SMYD3: variants seen among roughly 807,000 people sequenced by gnomAD.
SMYD3 encodes the protein histone-lysine N-methyltransferase SMYD3.
A neutral mutation model predicts 57.7 loss-of-function variants in SMYD3; 36 were observed. The ratio of observed to expected loss-of-function variants is 0.62; its 90% CI spans 0.48 to 0.82. The LOEUF is 0.82. Ranked by LOEUF, SMYD3 falls within the 40% of genes least tolerant of loss-of-function variation. The pLI, the probability that SMYD3 is intolerant of heterozygous loss-of-function variation, is 0.00. For synonymous variants in SMYD3, 211 were observed against 195.0 expected, an observed-to-expected ratio of 1.08 and a Z score of -0.68; for missense variants, 515 against 538.8, an observed-to-expected ratio of 0.96 and a Z score of 0.44.
intron 3 of SMYD3, among the ~76,000 whole-genome samples, chr1:246,332,392 G>A (rs1195974359): frequency 6.6e-6 from 1 of 152,244 alleles, no homozygotes; most frequent in Non-Finnish European, 1.5e-5. Context: ...CCAGAGGAAA[G>A]CCCTAACTTG....
chr1:246,303,429 T>C (rs1572357041), intron 5 of SMYD3, among the ~76,000 whole-genome samples: 1 of 152,216 alleles, frequency 6.6e-6, no homozygotes. Flanking sequence ...TTAGATTACA[T>C]GGCATACTAT....
intron 8 of SMYD3, among the ~76,000 whole-genome samples, chr1:245,881,496 A>C (rs2052776341): frequency 6.6e-6 from 1 of 152,110 alleles, no homozygotes; most frequent in Admixed American, 6.5e-5. Flanking sequence ...CAGGTAATAG[A>C]GATTTTTGGC....
chr1:246,255,989 C>G (rs868498292), intron 5 of SMYD3, among the ~76,000 whole-genome samples: 64 of 125,826 alleles, frequency 5.1e-4, no homozygotes, highest in African/African-American at 1.1e-3. Flanking sequence ...TAGATAGATA[C>G]ACACACACAT....
intron 5 of SMYD3, among the ~76,000 whole-genome samples, chr1:246,260,226 T>C (rs915224001): frequency 6.6e-6 from 1 of 151,936 alleles, no homozygotes; most frequent in Admixed American, 6.5e-5. Context: ...ACAGGAAGAG[T>C]TGCGTGGCTC....
chr1:245,856,872 G>A (rs1472947216), intron 10 of SMYD3, among the ~76,000 whole-genome samples: 1 of 152,168 alleles, frequency 6.6e-6, no homozygotes, highest in African/African-American at 2.4e-5. Context: ...CTTTTGGATG[G>A]AGTTTATCCA....
At chr1:245,865,208 GT>G (rs2051766904) in intron 8 of SMYD3, among the ~76,000 whole-genome samples, 1 of 152,154 alleles carries the variant, frequency 6.6e-6, no homozygotes, top group Non-Finnish European at 1.5e-5. Context: ...ATGTATGTAA[GT>G]ATCTTCACAT....
chr1:246,244,173 T>G (rs1399651531), intron 5 of SMYD3, among the ~76,000 whole-genome samples: 1 of 152,050 alleles, frequency 6.6e-6, no homozygotes, highest in African/African-American at 2.4e-5. Flanking sequence ...ATAAAAGAGG[T>G]TAGCTATAGT....
At chr1:246,061,813 G>C (rs946808640) in intron 5 of SMYD3, among the ~76,000 whole-genome samples, 5 of 152,190 alleles carry the variant, frequency 3.3e-5, no homozygotes, top group African/African-American at 1.2e-4. Context: ...TGATTCGTTA[G>C]TGATGAAATG....
At chr1:246,119,091 G>C (rs1043092923) in intron 5 of SMYD3, among the ~76,000 whole-genome samples, 3 of 152,262 alleles carry the variant, frequency 2.0e-5, no homozygotes, top group Non-Finnish European at 4.4e-5. Flanking sequence ...CACAATCATA[G>C]CTCACTGCAG....
At chr1:246,354,207 AAC>A (rs2065875787) in intron 2 of SMYD3, among the ~76,000 whole-genome samples, 1 of 152,220 alleles carries the variant, frequency 6.6e-6, no homozygotes, top group African/African-American at 2.4e-5. Context: ...AATAAGATGT[AAC>A]TCATTAGGAC....
At chr1:246,361,455 A>C (rs755161343) in intron 1 of SMYD3, among the ~76,000 whole-genome samples, 3 of 152,246 alleles carry the variant, frequency 2.0e-5, no homozygotes, top group Non-Finnish European at 4.4e-5. Flanking sequence ...TATTCTACCA[A>C]AAGGAAAAGA....
intron 5 of SMYD3, among the ~76,000 whole-genome samples, chr1:246,302,925 T>C (rs1256091858): frequency 1.6e-4 from 24 of 152,070 alleles, no homozygotes; most frequent in Admixed American, 1.6e-3. Context: ...ATACAAAAGG[T>C]ATGTGGACCC....
chr1:246,380,123 A>G (rs1320980274), intron 1 of SMYD3, among the ~76,000 whole-genome samples: 1 of 152,216 alleles, frequency 6.6e-6, no homozygotes, highest in African/African-American at 2.4e-5. Context: ...ATATTCAGAG[A>G]TAATACAGTA....
intron 1 of SMYD3, among the ~76,000 whole-genome samples, chr1:246,474,561 G>A (rs942977546): frequency 6.8e-6 from 1 of 147,568 alleles, no homozygotes; most frequent in Admixed American, 6.8e-5. Context: ...GAGTAATGAG[G>A]TTTCACTACT....
At chr1:246,468,160 TAA>T (rs58291905) in intron 1 of SMYD3, among the ~76,000 whole-genome samples, 17 of 130,434 alleles carry the variant, frequency 1.3e-4, no homozygotes, top group African/African-American at 2.6e-4. Context: ...GACTCTGTCT[TAA>T]AAAAAAAAAA....
At chr1:245,817,103 CAAACAA>C (rs1320833111) in intron 10 of SMYD3, among the ~76,000 whole-genome samples, 1 of 151,434 alleles carries the variant, frequency 6.6e-6, no homozygotes, top group African/African-American at 2.4e-5. Context: ...AGGGCACAGA[CAAACAA>C]AAACACAGCA....
At chr1:245,892,343 T>C (rs1466538586) in intron 8 of SMYD3, among the ~76,000 whole-genome samples, 2 of 152,232 alleles carry the variant, frequency 1.3e-5, no homozygotes, top group Non-Finnish European at 1.5e-5. Flanking sequence ...TCTATACATA[T>C]ATTATCTAAT....
At chr1:245,776,979 G>A (rs2046631494) in intron 10 of SMYD3, among the ~76,000 whole-genome samples, 1 of 152,174 alleles carries the variant, frequency 6.6e-6, no homozygotes, top group African/African-American at 2.4e-5. Flanking sequence ...TTGCAAAGCT[G>A]AAAATATTTA....
At chr1:245,886,804 G>T (rs1049577453) in intron 8 of SMYD3, among the ~76,000 whole-genome samples, 4 of 152,038 alleles carry the variant, frequency 2.6e-5, no homozygotes, top group African/African-American at 9.7e-5. Flanking sequence ...GGCTATTGCG[G>T]GTCGAAAGGC....
Sources: allele counts gnomAD v4.1 joint callset (sites outside exome capture counted in the v4.1 genomes callset), GRCh38; gene constraint gnomAD v4.1.1; transcripts MANE v1.5; gene names NCBI Gene and HGNC (gene_info 2026-07-23, HGNC 2026-07-21).